The following LINGO2 variants were observed in gnomAD, a reference collection of about 807,000 sequenced individuals.
LINGO2 encodes leucine rich repeat and Ig domain containing 2, also known as leucine-rich repeat and immunoglobulin-like domain-containing nogo receptor-interacting protein 2.
A neutral mutation model predicts 30.6 loss-of-function variants in LINGO2; 14 were observed. The ratio of observed to expected loss-of-function variants is 0.46; its 90% CI spans 0.30 to 0.72. The LOEUF (loss-of-function observed/expected upper bound fraction) is 0.72. LINGO2 is among the 30% of genes least tolerant of loss of function. The pLI is 0.07. For missense variants in LINGO2, 729 were observed against 751.7 expected (o/e 0.97, Z 0.35); for synonymous variants, 317 against 288.5 (o/e 1.10, Z -1.00).
At chr9:28,315,208 G>A (rs1456507040) in intron 3 of LINGO2, among the ~76,000 whole-genome samples, 1 of 151,220 alleles carries the variant, frequency 6.6e-6, no homozygotes, top group Non-Finnish European at 1.5e-5. Context: ...TTCAAGACGA[G>A]CCTGCCCAAA....
At chr9:28,756,454 T>G in the LINGO2 span, among the ~76,000 whole-genome samples, 380 of 152,132 alleles carry the variant, frequency 2.5e-3, 1 homozygote, top group Non-Finnish European at 4.5e-3. Context: ...TGGTTGATGT[T>G]AGAATGAGTT....
At chr9:29,184,555 G>C in the LINGO2 span, among the ~76,000 whole-genome samples, 4 of 152,046 alleles carry the variant, frequency 2.6e-5, no homozygotes, top group Non-Finnish European at 4.4e-5. Flanking sequence ...CTAGAAGGGG[G>C]ATACATCTCC....
At chr9:28,204,909 G>C (rs1175674787) in intron 4 of LINGO2, among the ~76,000 whole-genome samples, 3 of 152,134 alleles carry the variant, frequency 2.0e-5, no homozygotes, top group Non-Finnish European at 4.4e-5. Context: ...AGGGCATATG[G>C]CAGCATCAAA....
chr9:28,901,571 A>T, the LINGO2 span, among the ~76,000 whole-genome samples: 1 of 152,072 alleles, frequency 6.6e-6, no homozygotes, highest in Non-Finnish European at 1.5e-5. Context: ...AAATGTATGC[A>T]TAGGGGGTGT....
chr9:28,418,233 C>T (rs966513039), intron 2 of LINGO2, among the ~76,000 whole-genome samples: 1 of 151,076 alleles, frequency 6.6e-6, no homozygotes, highest in South Asian at 2.1e-4. Context: ...AGAATAAGTC[C>T]TAACTCTGCC....
chr9:27,960,142 T>C (rs1342658708), intron 5 of LINGO2, among the ~76,000 whole-genome samples: 1 of 152,118 alleles, frequency 6.6e-6, no homozygotes, highest in Admixed American at 6.6e-5. Flanking sequence ...AAGGAGAATA[T>C]TCAAGAGAAC....
At chr9:28,215,706 A>T (rs184700793) in intron 4 of LINGO2, among the ~76,000 whole-genome samples, 83 of 151,816 alleles carry the variant, frequency 5.5e-4, no homozygotes, top group Middle Eastern at 3.4e-3. Context: ...CTATATCAAC[A>T]TGGTTATGGC....
chr9:28,268,648 T>TA (rs1463390324), intron 4 of LINGO2, among the ~76,000 whole-genome samples: 1 of 152,112 alleles, frequency 6.6e-6, no homozygotes, highest in Admixed American at 6.6e-5. Flanking sequence ...TACATGAGTA[T>TA]AAAATTAAAT....
chr9:29,114,177 TATA>T, the LINGO2 span, among the ~76,000 whole-genome samples: 1 of 149,826 alleles, frequency 6.7e-6, no homozygotes, highest in Non-Finnish European at 1.5e-5. Flanking sequence ...TAATAATATA[TATA>T]TTTTTTTTAA....
At chr9:28,202,349 G>A (rs1401872626) in intron 4 of LINGO2, among the ~76,000 whole-genome samples, 3 of 152,042 alleles carry the variant, frequency 2.0e-5, no homozygotes, top group African/African-American at 7.2e-5. Context: ...GACACCATTT[G>A]TAACAAATAC....
chr9:28,057,559 A>ATATATACATATACACATATATG (rs1563949574), intron 4 of LINGO2, among the ~76,000 whole-genome samples: 2 of 126,168 alleles, frequency 1.6e-5, no homozygotes, highest in African/African-American at 6.1e-5. Context: ...ATAAGTATAT[A>ATATATACATATACACATATATG]TATATACATA....
At chr9:28,451,546 G>T (rs961771801) in intron 2 of LINGO2, among the ~76,000 whole-genome samples, 1 of 151,652 alleles carries the variant, frequency 6.6e-6, no homozygotes, top group Non-Finnish European at 1.5e-5. Flanking sequence ...TCTTTATCTT[G>T]CCACAAATTG....
the LINGO2 span, among the ~76,000 whole-genome samples, chr9:28,932,345 C>T: frequency 6.6e-6 from 1 of 152,004 alleles, no homozygotes; most frequent in Non-Finnish European, 1.5e-5. Flanking sequence ...TTTATAATAA[C>T]TGGAATTCCT....
At chr9:28,232,867 A>G (rs987829384) in intron 4 of LINGO2, among the ~76,000 whole-genome samples, 2 of 151,402 alleles carry the variant, frequency 1.3e-5, no homozygotes, top group Admixed American at 1.3e-4. Context: ...TGGGGAAAAA[A>G]AAAGGCATGT....
chr9:28,762,306 C>G, the LINGO2 span, among the ~76,000 whole-genome samples: 2 of 151,806 alleles, frequency 1.3e-5, no homozygotes, highest in African/African-American at 2.4e-5. Context: ...ACCACACACA[C>G]AAAGGAAAGG....
At chr9:28,672,457 C>T (rs756581726), upstream of LINGO2, among the ~76,000 whole-genome samples, 4 of 152,136 alleles carry the variant, frequency 2.6e-5, no homozygotes, top group Non-Finnish European at 4.4e-5. Flanking sequence ...CTTTCATATG[C>T]ATATCTCATT....
chr9:28,044,290 G>A (rs1229460135), intron 4 of LINGO2, among the ~76,000 whole-genome samples: 1 of 152,146 alleles, frequency 6.6e-6, no homozygotes, highest in African/African-American at 2.4e-5. Flanking sequence ...TAACACCAGA[G>A]CATAAATGGG....
At chr9:28,354,241 C>T (rs78202845) in intron 3 of LINGO2, among the ~76,000 whole-genome samples, 5,293 of 152,092 alleles carry the variant, frequency 0.035, 327 homozygotes, top group African/African-American at 0.12. Flanking sequence ...TAAGGTGATA[C>T]GGTACTCATA....
the LINGO2 span, among the ~76,000 whole-genome samples, chr9:28,696,120 G>T: frequency 6.6e-6 from 1 of 151,708 alleles, no homozygotes; most frequent in Admixed American, 6.6e-5. Context: ...TTTCTCTTTA[G>T]TTGTTAGTTC....
Sources: gnomAD v4.1 joint callset for allele counts (sites outside exome capture counted in the v4.1 genomes callset) on GRCh38, gnomAD v4.1.1 for gene constraint, MANE v1.5 for transcripts, NCBI Gene and HGNC (gene_info 2026-07-23, HGNC 2026-07-21) for gene names.